MCF2L: variants seen among roughly 807,000 people sequenced by gnomAD.
MCF2L encodes guanine nucleotide exchange factor DBS.
Under a neutral mutation model 153.4 loss-of-function variants are expected in MCF2L, and 97 were observed. The ratio of observed to expected loss-of-function variants is 0.63; its 90% CI spans 0.54 to 0.75. The LOEUF (loss-of-function observed/expected upper bound fraction) is 0.75. MCF2L is among the 30% of genes least tolerant of loss of function. The pLI is 0.00. For synonymous variants in MCF2L, 659 were observed against 632.2 expected (o/e 1.04, Z -0.64); for missense variants, 1,347 against 1,495.2 (o/e 0.90, Z 1.64).
intron 2 of MCF2L, chr13:112,917,448 C>T: frequency 3.0e-6 from 1 of 330,262 alleles, no homozygotes; most frequent in South Asian, 2.4e-5. Context: ...CTGTCTCCCA[C>T]TTTGAGGTCG....
chr13:112,973,049 G>A (rs537542374), intron 1 of MCF2L, among the ~76,000 whole-genome samples: 4 of 152,026 alleles, frequency 2.6e-5, no homozygotes, highest in African/African-American at 9.6e-5. Context: ...AAAGCTCTGG[G>A]GGGACGCGCC....
intron 2 of MCF2L, among the ~76,000 whole-genome samples, chr13:112,950,162 A>C (rs944587368): frequency 2.4e-4 from 37 of 151,948 alleles, no homozygotes; most frequent in Non-Finnish European, 2.8e-4. Flanking sequence ...ACAAAAAAAA[A>C]CCACTTAAGT....
chr13:113,084,800 G>A (rs971661141), intron 18 of MCF2L, 92 bp from the exon 19 acceptor site: 38 of 932,024 alleles, frequency 4.1e-5, no homozygotes, highest in Middle Eastern at 2.5e-4. Flanking sequence ...TGCGGTGCCC[G>A]TCCCTCACCG....
At chr13:112,915,410 C>CACAAAAAAAAAA (rs1555349857) in intron 2 of MCF2L, among the ~76,000 whole-genome samples, 5 of 86,936 alleles carry the variant, frequency 5.8e-5, no homozygotes, top group African/African-American at 2.7e-4. Context: ...CTCTGTCTCA[C>CACAAAAAAAAAA]AAAAAAAAAA....
intron 2 of MCF2L, among the ~76,000 whole-genome samples, chr13:113,023,107 C>T (rs2084998811): frequency 6.6e-6 from 1 of 152,232 alleles, no homozygotes; most frequent in African/African-American, 2.4e-5. Context: ...GGGGACTGAG[C>T]TGTCCCAGGT....
chr13:112,968,919 C>A (rs543290866), upstream of MCF2L: 3 of 566,996 alleles, frequency 5.3e-6, no homozygotes, highest in South Asian at 6.0e-5. Flanking sequence ...GGCGGTGACA[C>A]GAATTTCTAG....
intron 2 of MCF2L, among the ~76,000 whole-genome samples, chr13:112,928,135 G>A (rs536483528): frequency 4.5e-4 from 69 of 152,306 alleles, no homozygotes; most frequent in Middle Eastern, 3.4e-3. Context: ...AACTCTGCAC[G>A]TGTTAACAGT....
At chr13:113,094,930 T>C in intron 27 of MCF2L, 1 of 1,365,510 alleles carries the variant, frequency 7.3e-7, no homozygotes, top group South Asian at 1.2e-5. Context: ...CTAGCTCCTC[T>C]GTCTCAGCAG....
At position 113,075,857 on chromosome 13, in the gene MCF2L, C is replaced by T. The variant is rs963764138; in HGVS notation, c.1309-109C>T. On this transcript the variant is annotated intron_variant, in intron 11 of 29. Coordinates refer to ENST00000535094, the MANE Select transcript of MCF2L (RefSeq NM_001112732.3). ...ACAGGGTGGCGGGAGCACGAGGAGT[C>T]GGTGGCCCGGGATCTGTCGGGAGGA... The T allele has an allele frequency of 1.6e-5, 14 of 851,482 alleles. No homozygotes were observed. In the East Asian group the frequency reaches 1.7e-4, roughly 10 times the overall value. The allele number at this position is 851,482 out of a possible 1,614,324, so 52.7% of individuals were successfully genotyped here. A position where few individuals can be genotyped will look rare whatever the true frequency, so the allele number is the denominator to read the frequency against.
In MCF2L at chr13:113,044,576, T is replaced by G. The variant is rs1300197569; in HGVS notation, c.279-695T>G. Reference sequence around the variant, plus strand: ...CTTTGGATTGGCTGGTGGTAGCAGCTGCTGGCATCACGCAATTGGCTTGGC... The same window carrying G: ...CTTTGGATTGGCTGGTGGTAGCAGCGGCTGGCATCACGCAATTGGCTTGGC... On this transcript the variant is annotated intron_variant, in intron 3 of 29. Transcript: ENST00000535094. 1.6e-5 allele frequency: 25 copies of G among 1,532,024 alleles called. No homozygotes were observed. In the East Asian group the frequency reaches 5.1e-4, roughly 31 times the overall value. The allele number at this position is 1,532,024 out of a possible 1,614,324, so 94.9% of individuals were successfully genotyped here.
Position 112,932,443 on chromosome 13 carries a change from A to G in MCF2L, c.169+30072A>G, listed in dbSNP as rs2081473538. ...GGAGACAGGATGACTGAATCCTAGAACAGAAGAATATATTAGGCAAAAACT... is the reference window on the plus strand; with the variant it reads ...GGAGACAGGATGACTGAATCCTAGAGCAGAAGAATATATTAGGCAAAAACT... On this transcript the variant is annotated intron_variant, in intron 2 of 29. Coordinates refer to the MCF2L transcript ENST00000375608. This position sits in a 1 kb window ranked among gnomAD's most constrained non-coding sequence, Gnocchi z 4.6. Among the ~76,000 whole-genome samples the G allele has an allele frequency of 6.6e-6, 1 of 152,254 alleles. No homozygotes were observed. Among genetic ancestry groups the G allele is most frequent in the Non-Finnish European group, 1.5e-5 (1 of 68,046 alleles).
Position 112,969,585 on chromosome 13 carries a change from A to G in MCF2L, c.79+127A>G, listed in dbSNP as rs2081971937. 1 of 1,477,010 alleles carries G rather than the reference A, an allele frequency of 6.8e-7. No homozygotes were observed. The highest frequency in any genetic ancestry group is 9.1e-7 in the Non-Finnish European group (1 of 1,098,578). The allele number at this position is 1,477,010 out of a possible 1,614,324, so 91.5% of individuals were successfully genotyped here. A position where few individuals can be genotyped will look rare whatever the true frequency, so the allele number is the denominator to read the frequency against. ...CCTTTCTAGCCGTGGTAGCTGTGAC[A>G]TGGGGGGCACTGGTTGGCAGCTGGT... On this transcript the variant is annotated intron_variant, in intron 1 of 29. Transcript: ENST00000535094. This position sits in a 1 kb window ranked among gnomAD's most constrained non-coding sequence, Gnocchi z 4.8.
At chr13:112,961,138 G>T (rs936179395) in intron 2 of MCF2L, among the ~76,000 whole-genome samples, 1 of 99,250 alleles carries the variant, frequency 1.0e-5, no homozygotes, top group Non-Finnish European at 2.5e-5. Flanking sequence ...TGTTCTCCAC[G>T]TGTGTCCATG....
chr13:112,992,753 G>A (rs1289782586), intron 1 of MCF2L, among the ~76,000 whole-genome samples: 2 of 152,188 alleles, frequency 1.3e-5, no homozygotes, highest in African/African-American at 2.4e-5. Flanking sequence ...TTGGTGTTTC[G>A]TAGCCAATCA....
intron 3 of MCF2L, among the ~76,000 whole-genome samples, chr13:113,037,571 C>T (rs1225656956): frequency 6.6e-6 from 1 of 152,188 alleles, no homozygotes; most frequent in East Asian, 1.9e-4. Flanking sequence ...CATTCTGGCT[C>T]TAATAGAGTA....
chr13:112,955,537 A>G (rs2081746852), intron 2 of MCF2L, among the ~76,000 whole-genome samples: 1 of 152,186 alleles, frequency 6.6e-6, no homozygotes, highest in South Asian at 2.1e-4. Flanking sequence ...CAAGGTGGGG[A>G]CTTTGTGACC....
At chr13:113,021,183 T>C (rs2084862963) in intron 2 of MCF2L, among the ~76,000 whole-genome samples, 2 of 152,126 alleles carry the variant, frequency 1.3e-5, no homozygotes, top group African/African-American at 4.8e-5. Context: ...TATGTGCAGC[T>C]ATGTATCTGT....
At chr13:113,030,032 G>T (rs1486408751) in intron 3 of MCF2L, among the ~76,000 whole-genome samples, 1 of 152,188 alleles carries the variant, frequency 6.6e-6, no homozygotes, top group African/African-American at 2.4e-5. Flanking sequence ...CAAATGCCAG[G>T]TGTCCCAATT....
rs189362562 is a variant in MCF2L at position 112,994,898 on chromosome 13, A to G, written c.80-19865A>G. Among the ~76,000 whole-genome samples, 535 of 152,230 alleles carry G rather than the reference A, an allele frequency of 3.5e-3. 1 individual carries two copies. The highest frequency in any genetic ancestry group is 0.011 in the African/African-American group (445 of 41,542). On this transcript the variant is annotated intron_variant, in intron 1 of 29. Coordinates refer to ENST00000535094, the MANE Select transcript of MCF2L (RefSeq NM_001112732.3). ...CCCCTGTGAGCCCAGGCAGCCCTCGACCTGTGTGTGGCTCGGTTTTATCGC... is the reference window on the plus strand; with the variant it reads ...CCCCTGTGAGCCCAGGCAGCCCTCGGCCTGTGTGTGGCTCGGTTTTATCGC...
Sources: allele counts gnomAD v4.1 joint callset (sites outside exome capture counted in the v4.1 genomes callset), GRCh38; gene constraint gnomAD v4.1.1; non-coding constraint Gnocchi (gnomAD v3.1); transcripts MANE v1.5; gene names NCBI Gene and HGNC (gene_info 2026-07-23, HGNC 2026-07-21).